The following PARP16 variants were observed in gnomAD, a reference collection of about 807,000 sequenced individuals.
PARP16 encodes protein mono-ADP-ribosyltransferase PARP16.
A neutral mutation model predicts 35.0 loss-of-function variants in PARP16; 31 were observed. That is an observed-to-expected ratio of 0.88 (90% CI 0.66 to 1.19). PARP16 has a LOEUF of 1.19. Among genes scored for constraint, PARP16 ranks in the 50% most tolerant of loss-of-function variants. The pLI is 0.00. For missense variants in PARP16, 424 were observed against 411.2 expected (o/e 1.03, Z -0.27); for synonymous variants, 162 against 169.5 (o/e 0.96, Z 0.34).
chr15:65,266,913 C>T (rs778215515), intron 2 of PARP16, 145 bp from the exon 3 acceptor site: 64 of 648,744 alleles, frequency 9.9e-5, no homozygotes, highest in Middle Eastern at 8.2e-4. Context: ...CATAAGCAAA[C>T]TCAGAGCGTA....
At position 65,286,675 on chromosome 15, in the gene PARP16, A is replaced by T; in HGVS notation, c.-249T>A. 116 of 180,966 alleles carry T rather than the reference A, an allele frequency of 6.4e-4. No homozygotes were observed. Among genetic ancestry groups the T allele is most frequent in the Middle Eastern group, 1.7e-3 (1 of 582 alleles). The allele number at this position is 180,966 out of a possible 1,614,324, so 11.2% of individuals were successfully genotyped here. A position where few individuals can be genotyped will look rare whatever the true frequency, so the allele number is the denominator to read the frequency against. ...AGGCCTGGACCGCGGGTCGGCGGGG[A>T]GGTTGGGCCCAGGGATAAAGGAACT... On this transcript the variant is annotated 5_prime_UTR_variant, in exon 1 of 6. Transcript: ENST00000649807.
At chr15:65,280,840 A>T (rs1406206521) in intron 1 of PARP16, among the ~76,000 whole-genome samples, 6 of 152,204 alleles carry the variant, frequency 3.9e-5, no homozygotes, top group Non-Finnish European at 8.8e-5. Flanking sequence ...CTCCTCCAGG[A>T]CCAGGAGGCC....
downstream of PARP16, among the ~76,000 whole-genome samples, chr15:65,232,037 C>T (rs1255096803): frequency 6.6e-6 from 1 of 152,082 alleles, no homozygotes; most frequent in African/African-American, 2.4e-5. Context: ...GTTGTGTCCT[C>T]CAGCTGCTGT....
At chr15:65,235,862 T>G (rs2088866777) in intron 3 of PARP16, among the ~76,000 whole-genome samples, 2 of 105,796 alleles carry the variant, frequency 1.9e-5, no homozygotes, top group African/African-American at 3.5e-5. Flanking sequence ...GCAGATATGG[T>G]TTTTTTTTTT....
chr15:65,231,296 A>C (rs1213889966), downstream of PARP16, among the ~76,000 whole-genome samples: 1 of 152,140 alleles, frequency 6.6e-6, no homozygotes, highest in Admixed American at 6.5e-5. Flanking sequence ...TTATTAATAT[A>C]CTGATATGTG....
chr15:65,274,436 G>C (rs2090188198), intron 1 of PARP16, among the ~76,000 whole-genome samples: 1 of 151,954 alleles, frequency 6.6e-6, no homozygotes, highest in Non-Finnish European at 1.5e-5. Context: ...AATTATCCAG[G>C]CGTGGTGGTG....
intron 5 of PARP16, 59 bp downstream of exon 5, chr15:65,260,826 C>T (rs1395666720): frequency 6.4e-7 from 1 of 1,553,664 alleles, no homozygotes; most frequent in South Asian, 1.1e-5. Flanking sequence ...CTGATACCTA[C>T]AACAACTAAG....
chr15:65,269,190 T>TCTCTCTCTCTCTCTCTCTCTCTCTC (rs58433603), intron 2 of PARP16, among the ~76,000 whole-genome samples: 1 of 148,066 alleles, frequency 6.8e-6, no homozygotes, highest in African/African-American at 2.6e-5. Flanking sequence ...CTTTCTTTCT[T>TCTCTCTCTCTCTCTCTCTCTCTCTC]TCTTTCTTTC....
Position 65,240,312 on chromosome 15 carries a change from T to TGGG in PARP16, c.*98-5492_*98-5490dup, listed in dbSNP as rs1183574054. 6.2e-3 allele frequency among the ~76,000 whole-genome samples: 630 copies of TGGG among 102,220 alleles called. 6 individuals are homozygous for TGGG. Among genetic ancestry groups the TGGG allele is most frequent in the South Asian group, 9.0e-3 (27 of 3,016 alleles). 67.1% of individuals were successfully genotyped at this position (102,220 alleles called of 152,430 possible). A position where few individuals can be genotyped will look rare whatever the true frequency, so the allele number is the denominator to read the frequency against. On this transcript the variant is annotated intron_variant and NMD_transcript_variant, in intron 3 of 3. Coordinates refer to the PARP16 transcript ENST00000559805. Reference sequence around the variant, plus strand: ...GCCTGGCTAGTGTGTGTGTGTGTGGTGGGGGGGGCTAGTGTGTGTGTGTGT... The same window carrying TGGG: ...GCCTGGCTAGTGTGTGTGTGTGTGGTGGGGGGGGGGGCTAGTGTGTGTGTGTGT...
chr15:65,286,292 C>G lies in PARP16; in HGVS notation c.135G>C (p.Ala45=). 1.9e-6 allele frequency: 3 copies of G among 1,600,934 alleles called. No homozygotes were observed. Among genetic ancestry groups the G allele is most frequent in the Non-Finnish European group, 2.6e-6 (3 of 1,175,080 alleles). Residue 45 remains alanine (A), a synonymous_variant, in exon 1 of 6, where the codon GCG becomes GCC. Transcript: ENST00000649807. ...KRDSVLRPFP[A]SYARGDCKDF... ...CCTTACAGTCGCCGCGGGCGTAGGACGCGGGGAAGGGCCGCAGCACCGAGT... is the reference window on the plus strand; with the variant it reads ...CCTTACAGTCGCCGCGGGCGTAGGAGGCGGGGAAGGGCCGCAGCACCGAGT...
At chr15:65,263,459 A>T (rs1005282597) in intron 3 of PARP16, 139 bp from the exon 4 acceptor site, 1 of 622,780 alleles carries the variant, frequency 1.6e-6, no homozygotes, top group African/African-American at 1.9e-5. Context: ...AAGACACAGG[A>T]TCAAATAATC....
At chr15:65,280,245 T>A (rs576397635) in intron 1 of PARP16, among the ~76,000 whole-genome samples, 1 of 152,080 alleles carries the variant, frequency 6.6e-6, no homozygotes, top group Non-Finnish European at 1.5e-5. Context: ...GAGACCAGCC[T>A]GGGCAACATG....
intron 2 of PARP16, chr15:65,248,288 C>T (rs969178715): frequency 2.2e-6 from 1 of 456,384 alleles, no homozygotes; most frequent in Non-Finnish European, 4.4e-6. Context: ...ATTAGTAAAT[C>T]ATAAATCAAG....
rs559460268 is a variant in PARP16 at position 65,248,541 on chromosome 15, G to A, written c.203-313C>T. ...AACACACAAGTACATACTTTCTACC[G>A]AGGAACAGCTGCAACCAGCAATGCA... is the stretch of plus-strand genomic sequence containing the variant. On this transcript the variant is annotated intron_variant and NMD_transcript_variant, in intron 2 of 3. Transcript: ENST00000559805. Among the ~76,000 whole-genome samples the A allele has an allele frequency of 2.5e-3, 385 of 152,202 alleles. 4 individuals are homozygous for A. Among genetic ancestry groups the A allele is most frequent in the African/African-American group, 8.7e-3 (360 of 41,536 alleles).
downstream of PARP16, among the ~76,000 whole-genome samples, chr15:65,257,156 C>T (rs544399906): frequency 2.0e-5 from 3 of 152,260 alleles, no homozygotes; most frequent in South Asian, 6.2e-4. Context: ...GTGGCTCACA[C>T]CTGTAATCCC....
chr15:65,272,739 G>C (rs548842626), intron 1 of PARP16, among the ~76,000 whole-genome samples: 155 of 152,142 alleles, frequency 1.0e-3, no homozygotes, highest in Admixed American at 1.8e-3. Flanking sequence ...GAAACAGCAT[G>C]AACTGTGGAA....
At chr15:65,284,562 G>A (rs1217424448) in intron 1 of PARP16, among the ~76,000 whole-genome samples, 4 of 151,556 alleles carry the variant, frequency 2.6e-5, no homozygotes, top group African/African-American at 4.8e-5. Context: ...TCCTGACCTC[G>A]TGATCCACCC....
downstream of PARP16, among the ~76,000 whole-genome samples, chr15:65,257,508 G>A (rs747747718): frequency 6.6e-6 from 1 of 151,392 alleles, no homozygotes; most frequent in Non-Finnish European, 1.5e-5. Context: ...GTGTGTGCCT[G>A]TAATCCCAGC....
chr15:65,249,587 C>T (rs570926860), intron 2 of PARP16, among the ~76,000 whole-genome samples: 1 of 152,224 alleles, frequency 6.6e-6, no homozygotes, highest in African/African-American at 2.4e-5. Flanking sequence ...CCCAGCCAGG[C>T]AGGACTGGAG....
Sources: gnomAD v4.1 joint callset for allele counts (sites outside exome capture counted in the v4.1 genomes callset) on GRCh38, gnomAD v4.1.1 for gene constraint, MANE v1.5 for transcripts, NCBI Gene and HGNC (gene_info 2026-07-23, HGNC 2026-07-21) for gene names.